The following FAM117A variants were observed in gnomAD, a reference collection of about 807,000 sequenced individuals.
The protein encoded by FAM117A is family with sequence similarity 117 member A.
In FAM117A, 21 loss-of-function variants were observed where a neutral mutation model predicts 44.1. That is an observed-to-expected ratio of 0.48 (90% CI 0.34 to 0.69). The LOEUF (loss-of-function observed/expected upper bound fraction) is 0.69, where lower values mean the gene tolerates loss of function less well. FAM117A is among the 30% of genes least tolerant of loss of function. FAM117A has a pLI of 0.01. For synonymous variants in FAM117A, 220 were observed against 238.3 expected, an observed-to-expected ratio of 0.92 and a Z score of 0.71; for missense variants, 498 against 589.9, an observed-to-expected ratio of 0.84 and a Z score of 1.61.
Position 49,716,219 on chromosome 17 carries a change from A to G in FAM117A, c.1007T>C (p.Phe336Ser). ...ASPRPNHSYI[F>S]KREPPEGCEK... ...ACAGCCTTCTGGGGGCTCCCGTTTGAAGATGTAGCTATGATTAGGTCGAGG... is the reference window on the plus strand; with the variant it reads ...ACAGCCTTCTGGGGGCTCCCGTTTGGAGATGTAGCTATGATTAGGTCGAGG... The change falls in exon 7 of 8, where the codon TTC (phenylalanine) becomes TCC (serine). Residue 336 changes from phenylalanine (F) to serine (S), a missense_variant. This residue lies in a region of FAM117A where 224 missense variants were observed against 296.5 expected (regional missense o/e 0.76). Transcript: ENST00000240364. 6.3e-7 allele frequency: 1 copy of G among 1,590,992 alleles called. No individual in the cohort carries two copies. Among genetic ancestry groups the G allele is most frequent in the African/African-American group, 1.3e-5 (1 of 74,204 alleles).
chr17:49,713,745 G>A (rs2073488856), intron 7 of FAM117A, among the ~76,000 whole-genome samples: 1 of 152,136 alleles, frequency 6.6e-6, no homozygotes, highest in South Asian at 2.1e-4. Flanking sequence ...CTGGACTCAA[G>A]CAATCCTCCC....
At position 49,719,807 on chromosome 17, in the gene FAM117A, G is replaced by A; in HGVS notation, c.661C>T (p.Leu221=). The A allele has an allele frequency of 6.2e-7, 1 of 1,605,500 alleles. No homozygotes were observed. Among genetic ancestry groups the A allele is most frequent in the South Asian group, 1.1e-5 (1 of 89,862 alleles). The part of the protein sequence containing the change: ...HRSLEGLNQE[L]EEVFVKEQGE... ...TGCTCCTTCACAAATACCTCCTCCA[G>A]CTCTTGGTTGAGCCCTTCCAGGCTC... The change falls in exon 5 of 8, where the codon CTG becomes TTG. Residue 221 remains leucine, a synonymous_variant. Coordinates refer to ENST00000240364, the MANE Select transcript of FAM117A (RefSeq NM_030802.4).
At chr17:49,771,414 C>A (rs1252212549) in intron 1 of FAM117A, among the ~76,000 whole-genome samples, 2 of 151,992 alleles carry the variant, frequency 1.3e-5, no homozygotes, top group Non-Finnish European at 2.9e-5. Flanking sequence ...TATGATATCC[C>A]TAAAGAGTTA....
At chr17:49,727,709 T>C (rs1046985150) in intron 2 of FAM117A, among the ~76,000 whole-genome samples, 4 of 152,184 alleles carry the variant, frequency 2.6e-5, no homozygotes, top group African/African-American at 7.2e-5. Flanking sequence ...GGGATGAAGC[T>C]GAAAACCCTC....
intron 1 of FAM117A, among the ~76,000 whole-genome samples, chr17:49,771,486 TAA>T (rs5820778): frequency 2.8e-4 from 42 of 149,458 alleles, no homozygotes; most frequent in Admixed American, 8.7e-4. Flanking sequence ...TATTTCTCAT[TAA>T]AAAAAAAAAA....
At chr17:49,771,399 G>C (rs1479993674) in intron 1 of FAM117A, among the ~76,000 whole-genome samples, 1 of 151,966 alleles carries the variant, frequency 6.6e-6, no homozygotes, top group Non-Finnish European at 1.5e-5. Flanking sequence ...AAATATACCT[G>C]CCCTTATGAT....
intron 1 of FAM117A, among the ~76,000 whole-genome samples, chr17:49,756,426 G>T (rs2073698827): frequency 1.3e-5 from 2 of 151,966 alleles, no homozygotes; most frequent in South Asian, 4.1e-4. Context: ...GCAGAGCTCG[G>T]GGTGAACTAG....
chr17:49,739,135 T>A (rs2073622606), intron 1 of FAM117A, among the ~76,000 whole-genome samples: 1 of 152,184 alleles, frequency 6.6e-6, no homozygotes, highest in South Asian at 2.1e-4. Flanking sequence ...AAGTTACCTC[T>A]GAGGGATGTT....
At chr17:49,753,614 G>A (rs887207542) in intron 1 of FAM117A, among the ~76,000 whole-genome samples, 2 of 152,102 alleles carry the variant, frequency 1.3e-5, no homozygotes, top group African/African-American at 4.8e-5. Context: ...TCAGGAGTTC[G>A]AGACCAGCCT....
Position 49,732,638 on chromosome 17 carries a change from G to A in FAM117A, c.279C>T (p.Asp93=), listed in dbSNP as rs2073590905. 6.2e-7 allele frequency: 1 copy of A among 1,614,058 alleles called. No individual in the cohort carries two copies. Among genetic ancestry groups the A allele is most frequent in the African/African-American group, 1.3e-5 (1 of 74,912 alleles). Residue 93 remains aspartate (D), a synonymous_variant, in exon 2 of 8, where the codon GAC becomes GAT. Coordinates refer to ENST00000240364, the MANE Select transcript of FAM117A (RefSeq NM_030802.4). ...CCAGAAGGTAGGAGCTGAGGATGGTGTCCAGGGAGAATGTACGCCGGACCT... is the reference window on the plus strand; with the variant it reads ...CCAGAAGGTAGGAGCTGAGGATGGTATCCAGGGAGAATGTACGCCGGACCT... ...PLQVRRTFSL[D]TILSSYLLGQ...
rs747602980 is a variant in FAM117A, at chr17:49,722,541, G to C, written c.420C>G (p.His140Gln). The C allele has an allele frequency of 6.2e-7, 1 of 1,614,088 alleles. No homozygotes were observed. The highest frequency in any genetic ancestry group is 1.6e-4 in the Middle Eastern group (1 of 6,062). ...LEGERASSCAHKRSASWGSTD... is the reference protein window; with the variant it reads ...LEGERASSCAQKRSASWGSTD... Reference sequence around the variant, plus strand: ...TGCTGCCCCAGGATGCTGAGCGCTTGTGTGCACAGGAACTGGCACGCTCAC... The same window carrying C: ...TGCTGCCCCAGGATGCTGAGCGCTTCTGTGCACAGGAACTGGCACGCTCAC... Residue 140 changes from histidine to glutamine, a missense_variant, in exon 3 of 8, where the codon CAC (histidine) becomes CAG (glutamine). Coordinates refer to ENST00000240364, the MANE Select transcript of FAM117A (RefSeq NM_030802.4).
chr17:49,761,075 T>C (rs1039788587), intron 1 of FAM117A, among the ~76,000 whole-genome samples: 4 of 152,198 alleles, frequency 2.6e-5, no homozygotes, highest in Non-Finnish European at 2.9e-5. Context: ...CGAGGTCTAA[T>C]ATATCTTGTC....
intron 1 of FAM117A, among the ~76,000 whole-genome samples, chr17:49,769,158 G>T (rs2073753495): frequency 6.6e-6 from 1 of 152,084 alleles, no homozygotes; most frequent in African/African-American, 2.4e-5. Flanking sequence ...AGCTGGCCAT[G>T]GTGGCACGCG....
intron 1 of FAM117A, among the ~76,000 whole-genome samples, chr17:49,773,711 G>T (rs2073768010): frequency 6.6e-6 from 1 of 150,682 alleles, no homozygotes; most frequent in Non-Finnish European, 1.5e-5. Flanking sequence ...GGACTTAGGT[G>T]TTCAGTTTGT....
chr17:49,718,649 C>T (rs1010921946), intron 5 of FAM117A, among the ~76,000 whole-genome samples: 2 of 139,638 alleles, frequency 1.4e-5, no homozygotes, highest in African/African-American at 5.4e-5. Context: ...CCAGCCTGGG[C>T]GACAGAGCGA....
chr17:49,742,207 A>G (rs1156884745), intron 1 of FAM117A, among the ~76,000 whole-genome samples: 1 of 152,192 alleles, frequency 6.6e-6, no homozygotes, highest in African/African-American at 2.4e-5. Flanking sequence ...CTGACTCCAT[A>G]TTTAAGTGTA....
chr17:49,719,371 C>T (rs1205348097), intron 5 of FAM117A, among the ~76,000 whole-genome samples: 4 of 152,060 alleles, frequency 2.6e-5, no homozygotes, highest in Non-Finnish European at 5.9e-5. Context: ...AGGAGGCATG[C>T]GTGTTACCAG....
chr17:49,737,206 C>T (rs1448072334), intron 1 of FAM117A, among the ~76,000 whole-genome samples: 1 of 152,122 alleles, frequency 6.6e-6, no homozygotes, highest in Non-Finnish European at 1.5e-5. Flanking sequence ...GTTCAAGGCA[C>T]AACTTTATCT....
In FAM117A at chr17:49,738,456, C is replaced by T. The variant is rs549996576; in HGVS notation, c.197-5736G>A. Among the ~76,000 whole-genome samples the T allele has an allele frequency of 8.5e-5, 13 of 152,230 alleles. No individual in the cohort carries two copies. In the South Asian group the frequency reaches 1.2e-3, roughly 15 times the overall value. On this transcript the variant is annotated intron_variant, in intron 1 of 7. Coordinates refer to ENST00000240364, the MANE Select transcript of FAM117A (RefSeq NM_030802.4). Reference sequence around the variant, plus strand: ...GGGAGGGGAAAGGATTGAGGAGAAACCAAGGAACCCCCAATCCAGAATCTG... The same window carrying T: ...GGGAGGGGAAAGGATTGAGGAGAAATCAAGGAACCCCCAATCCAGAATCTG...
Sources: gnomAD v4.1 joint callset for allele counts (sites outside exome capture counted in the v4.1 genomes callset) on GRCh38, gnomAD v4.1.1 for gene constraint, gnomAD v4.1.1 regional missense constraint, MANE v1.5 for transcripts, NCBI Gene and HGNC (gene_info 2026-07-23, HGNC 2026-07-21) for gene names.